NYAP2: variants seen among roughly 807,000 people sequenced by gnomAD.
The protein encoded by NYAP2 is neuronal tyrosine-phosphorylated phosphoinositide-3-kinase adaptor 2.
Under a neutral mutation model 50.4 loss-of-function variants are expected in NYAP2, and 23 were observed. The observed-to-expected ratio is 0.46, with a 90% CI of 0.33 to 0.65. NYAP2 has a LOEUF of 0.65. Among genes scored for constraint, NYAP2 ranks in the 30% least tolerant of loss-of-function variants. The pLI, the probability that NYAP2 is intolerant of heterozygous loss-of-function variation, is 0.02. For missense variants in NYAP2, 885 were observed against 861.0 expected (o/e 1.03, Z -0.35); for synonymous variants, 394 against 365.2 (o/e 1.08, Z -0.90).
chr2:225,654,520 T>TA (rs1272733071), downstream of NYAP2, among the ~76,000 whole-genome samples: 1 of 151,620 alleles, frequency 6.6e-6, no homozygotes, highest in Non-Finnish European at 1.5e-5. Flanking sequence ...CCATCTGTAC[T>TA]AAAAATACAA....
the NYAP2 span, among the ~76,000 whole-genome samples, chr2:225,690,567 T>C: frequency 1.3e-5 from 2 of 152,116 alleles, no homozygotes; most frequent in Non-Finnish European, 2.9e-5. Flanking sequence ...GGCAACTAAG[T>C]AACCTCTGCA....
chr2:225,629,694 A>C (rs934676388), intron 6 of NYAP2, among the ~76,000 whole-genome samples: 1 of 152,144 alleles, frequency 6.6e-6, no homozygotes, highest in Admixed American at 6.5e-5. Context: ...GGGGAAGTAG[A>C]TATGTATGAA....
chr2:225,436,669 T>G (rs748206490), intron 3 of NYAP2, among the ~76,000 whole-genome samples: 17 of 147,984 alleles, frequency 1.1e-4, no homozygotes, highest in Non-Finnish European at 2.5e-4. Context: ...ACCCATAATA[T>G]AACACATGCT....
At chr2:225,485,181 C>G (rs1690269817) in intron 3 of NYAP2, among the ~76,000 whole-genome samples, 1 of 152,178 alleles carries the variant, frequency 6.6e-6, no homozygotes, top group African/African-American at 2.4e-5. Flanking sequence ...TAGTGAGTCT[C>G]TGATGGTTTT....
intron 3 of NYAP2, among the ~76,000 whole-genome samples, chr2:225,456,256 G>A (rs1364313438): frequency 2.0e-5 from 3 of 152,196 alleles, no homozygotes; most frequent in Admixed American, 2.0e-4. Flanking sequence ...GCATGAGACT[G>A]TATCTCCTGA....
the NYAP2 span, among the ~76,000 whole-genome samples, chr2:225,684,282 C>T: frequency 2.6e-5 from 4 of 152,040 alleles, no homozygotes; most frequent in African/African-American, 4.8e-5. Flanking sequence ...AAATGGCAAC[C>T]GGCACTTTGC....
chr2:225,398,224 C>G (rs1431109255), upstream of NYAP2, among the ~76,000 whole-genome samples: 2 of 151,916 alleles, frequency 1.3e-5, no homozygotes, highest in African/African-American at 4.8e-5. Flanking sequence ...GCCCAGGGAC[C>G]TTGGGTCTTA....
chr2:225,510,312 T>C (rs718660), intron 3 of NYAP2, among the ~76,000 whole-genome samples: 48,039 of 152,044 alleles, frequency 0.32, 7,729 homozygotes, highest in South Asian at 0.48. Flanking sequence ...TATCTACTCA[T>C]TAATGGCCCT....
intron 3 of NYAP2, among the ~76,000 whole-genome samples, chr2:225,432,276 G>A (rs1198306072): frequency 2.0e-5 from 3 of 150,830 alleles, no homozygotes; most frequent in Non-Finnish European, 4.4e-5. Context: ...GATTACAGGC[G>A]TGAGCCACCG....
At chr2:225,617,913 C>T (rs1202965799) in intron 5 of NYAP2, among the ~76,000 whole-genome samples, 1 of 152,120 alleles carries the variant, frequency 6.6e-6, no homozygotes, top group African/African-American at 2.4e-5. Context: ...CATCCCATCC[C>T]TTCAATTCTC....
At chr2:225,701,595 C>T in the NYAP2 span, 2 of 151,834 alleles carry the variant, frequency 1.3e-5, no homozygotes, top group Admixed American at 1.3e-4. Flanking sequence ...ACATAAACAC[C>T]GCTCACATCT....
At chr2:225,676,378 T>G in the NYAP2 span, among the ~76,000 whole-genome samples, 5 of 152,262 alleles carry the variant, frequency 3.3e-5, no homozygotes, top group South Asian at 1.0e-3. Flanking sequence ...GGCTAGCCAA[T>G]TCTTCCAGCA....
intron 4 of NYAP2, among the ~76,000 whole-genome samples, chr2:225,525,319 T>C (rs1691132519): frequency 1.3e-5 from 2 of 152,154 alleles, no homozygotes; most frequent in Non-Finnish European, 2.9e-5. Context: ...TACACACTTG[T>C]ATGTTTATCG....
intron 3 of NYAP2, among the ~76,000 whole-genome samples, chr2:225,412,255 C>CT (rs560637948): frequency 0.016 from 970 of 59,136 alleles, 81 homozygotes; most frequent in Middle Eastern, 0.029. Context: ...CTGCGCCCGG[C>CT]TTTTTTTTTT....
rs538610237 is a variant in NYAP2 at position 225,458,634 on chromosome 2, G to A, written c.221+49533G>A. Among the ~76,000 whole-genome samples, 3 of 152,340 alleles carry A rather than the reference G, an allele frequency of 2.0e-5. No homozygotes were observed. In the East Asian group the frequency reaches 5.8e-4, roughly 29 times the overall value. On this transcript the variant is annotated intron_variant, in intron 3 of 6. Coordinates refer to ENST00000636099, the Ensembl canonical transcript of NYAP2. ...TAAATCCAGGTTCACAAGAGCAGAA[G>A]CCTGATCTCTGCTTCATTTCCATTG...
intron 5 of NYAP2, among the ~76,000 whole-genome samples, chr2:225,626,158 G>C (rs1397138082): frequency 6.6e-6 from 1 of 152,218 alleles, no homozygotes; most frequent in African/African-American, 2.4e-5. Context: ...GGGGACTCCA[G>C]ATGGATTCAC....
intron 4 of NYAP2, among the ~76,000 whole-genome samples, chr2:225,519,786 C>T (rs1294571180): frequency 6.6e-6 from 1 of 152,102 alleles, no homozygotes; most frequent in Non-Finnish European, 1.5e-5. Flanking sequence ...GGTATATACC[C>T]AGTAATGGGA....
chr2:225,520,116 G>A (rs1286088874), intron 4 of NYAP2, among the ~76,000 whole-genome samples: 1 of 152,154 alleles, frequency 6.6e-6, no homozygotes, highest in African/African-American at 2.4e-5. Flanking sequence ...TTTTGATGGG[G>A]TTGTTTGTTT....
chr2:225,477,385 C>G (rs1035566825), intron 3 of NYAP2, among the ~76,000 whole-genome samples: 1 of 151,650 alleles, frequency 6.6e-6, no homozygotes, highest in South Asian at 2.1e-4. Flanking sequence ...TACAGGTGCC[C>G]GCCACCACGC....
Sources: allele counts gnomAD v4.1 joint callset (sites outside exome capture counted in the v4.1 genomes callset), GRCh38; gene constraint gnomAD v4.1.1; transcripts MANE v1.5; gene names NCBI Gene and HGNC (gene_info 2026-07-23, HGNC 2026-07-21).